Variants in KCNQ3 observed in about 807,000 individuals in gnomAD.
The protein encoded by KCNQ3 is potassium voltage-gated channel subfamily Q member 3, also known as potassium voltage-gated channel subfamily KQT member 3.
In KCNQ3, 30 loss-of-function variants were observed where a neutral mutation model predicts 92.5. The observed-to-expected ratio is 0.32, with a 90% CI of 0.24 to 0.44. The LOEUF (loss-of-function observed/expected upper bound fraction) is 0.44. Among genes scored for constraint, KCNQ3 ranks in the 20% least tolerant of loss-of-function variants. The pLI, the probability that KCNQ3 is intolerant of heterozygous loss-of-function variation, is 1.00. For synonymous variants in KCNQ3, 450 were observed against 468.8 expected (o/e 0.96, Z 0.52); for missense variants, 913 against 1,140.3 (o/e 0.80, Z 2.87).
At chr8:132,141,469 A>C (rs1825294463) in intron 9 of KCNQ3, 138 bp from the exon 10 acceptor site, 1 of 793,022 alleles carries the variant, frequency 1.3e-6, no homozygotes, top group Non-Finnish European at 2.1e-6. Flanking sequence ...AATCTGACTC[A>C]GCAGCTTGGA....
chr8:132,411,217 A>T (rs74917716), intron 1 of KCNQ3, among the ~76,000 whole-genome samples: 1 of 152,180 alleles, frequency 6.6e-6, no homozygotes, highest in Non-Finnish European at 1.5e-5. Flanking sequence ...TGTGAATTCA[A>T]TGTTGCCTGA....
intron 1 of KCNQ3, among the ~76,000 whole-genome samples, chr8:132,378,572 C>G (rs1160179144): frequency 6.6e-6 from 1 of 152,170 alleles, no homozygotes; most frequent in Non-Finnish European, 1.5e-5. Flanking sequence ...AAGACAGATA[C>G]TCTTGCCTTG....
chr8:132,374,844 A>C (rs1437373393), intron 1 of KCNQ3, among the ~76,000 whole-genome samples: 1 of 152,234 alleles, frequency 6.6e-6, no homozygotes, highest in Non-Finnish European at 1.5e-5. Context: ...ATCTTCCTGC[A>C]AAAGACATGA....
At chr8:132,389,232 G>A (rs1355962565) in intron 1 of KCNQ3, among the ~76,000 whole-genome samples, 1 of 152,160 alleles carries the variant, frequency 6.6e-6, no homozygotes, top group Non-Finnish European at 1.5e-5. Flanking sequence ...TGAGGTGGTT[G>A]GATTATCTGA....
chr8:132,143,245 G>A (rs1210428121), intron 9 of KCNQ3, among the ~76,000 whole-genome samples: 1 of 151,892 alleles, frequency 6.6e-6, no homozygotes, highest in Non-Finnish European at 1.5e-5. Context: ...AACATTTTTG[G>A]AATTGCTTTC....
intron 1 of KCNQ3, among the ~76,000 whole-genome samples, chr8:132,311,925 G>C (rs1040768507): frequency 6.6e-6 from 1 of 152,090 alleles, no homozygotes; most frequent in Non-Finnish European, 1.5e-5. Flanking sequence ...CTGGAGTTGC[G>C]TGGGAACTAA....
At chr8:132,220,823 T>A (rs918880223) in intron 1 of KCNQ3, among the ~76,000 whole-genome samples, 19 of 148,912 alleles carry the variant, frequency 1.3e-4, no homozygotes, top group Admixed American at 6.6e-5. Context: ...TTTTTTTATT[T>A]TTTTTATTAT....
intron 1 of KCNQ3, among the ~76,000 whole-genome samples, chr8:132,260,647 C>T (rs1306125176): frequency 1.3e-5 from 2 of 152,074 alleles, no homozygotes; most frequent in Non-Finnish European, 2.9e-5. Context: ...TATTTTCTTG[C>T]TCTCCAATCT....
chr8:132,377,481 AC>A (rs1315446425), intron 1 of KCNQ3, among the ~76,000 whole-genome samples: 5 of 152,334 alleles, frequency 3.3e-5, no homozygotes, highest in African/African-American at 1.2e-4. Flanking sequence ...GAACAAAGGA[AC>A]ACGAGAGGTA....
At chr8:132,238,710 G>T (rs145734768) in intron 1 of KCNQ3, among the ~76,000 whole-genome samples, 1 of 152,044 alleles carries the variant, frequency 6.6e-6, no homozygotes, top group African/African-American at 2.4e-5. Context: ...TCCCAAATAT[G>T]TCATACTCTA....
At chr8:132,460,512 A>G (rs935110152) in intron 1 of KCNQ3, among the ~76,000 whole-genome samples, 3 of 152,132 alleles carry the variant, frequency 2.0e-5, no homozygotes, top group African/African-American at 7.2e-5. Context: ...ACACAAGTAT[A>G]ACAGTATGAG....
At chr8:132,153,997 A>G (rs948660006) in intron 9 of KCNQ3, among the ~76,000 whole-genome samples, 1 of 145,010 alleles carries the variant, frequency 6.9e-6, no homozygotes, top group African/African-American at 2.6e-5. Flanking sequence ...TTGAAAAAAA[A>G]TGCCATTTTT....
chr8:132,265,784 C>A (rs1712437179), intron 1 of KCNQ3, among the ~76,000 whole-genome samples: 1 of 152,142 alleles, frequency 6.6e-6, no homozygotes, highest in South Asian at 2.1e-4. Flanking sequence ...CTTAAATACC[C>A]CATCCCTTTT....
At chr8:132,246,287 TATTTCCAATA>T (rs1219097031) in intron 1 of KCNQ3, among the ~76,000 whole-genome samples, 1 of 152,178 alleles carries the variant, frequency 6.6e-6, no homozygotes, top group African/African-American at 2.4e-5. Flanking sequence ...CCAAATGGGA[TATTTCCAATA>T]AACCATTTCC....
At chr8:132,465,944 G>A (rs1045122655) in intron 1 of KCNQ3, among the ~76,000 whole-genome samples, 6 of 151,942 alleles carry the variant, frequency 3.9e-5, no homozygotes, top group South Asian at 4.1e-4. Flanking sequence ...TAAAACAAAC[G>A]ACAGGAATAA....
In KCNQ3 at chr8:132,122,049, G is replaced by A. The variant is rs1389772044; in HGVS notation, c.*7213C>T. On this transcript the variant is annotated 3_prime_UTR_variant, in exon 15 of 15. Coordinates refer to ENST00000388996, the MANE Select transcript of KCNQ3 (RefSeq NM_004519.4). ...CATTTTACTGTAAAGCTGAGTGAAC[G>A]TAGAAGCCCGAAGCATTGTGGAGGA... 2 of 152,234 alleles carry A rather than the reference G, an allele frequency of 1.3e-5. No individual in the cohort carries two copies. Among genetic ancestry groups the A allele is most frequent in the African/African-American group, 4.8e-5 (2 of 41,466 alleles). The allele number at this position is 152,234 out of a possible 1,614,324, so 9.4% of individuals were successfully genotyped here. A position where few individuals can be genotyped will look rare whatever the true frequency, so the allele number is the denominator to read the frequency against.
At chr8:132,239,822 C>A (rs548838780) in intron 1 of KCNQ3, among the ~76,000 whole-genome samples, 54 of 152,256 alleles carry the variant, frequency 3.5e-4, no homozygotes, top group Admixed American at 1.6e-3. Context: ...CTCTCTGAGA[C>A]CCAGTTTCTA....
rs1211338548 is a variant in KCNQ3 at position 132,127,992 on chromosome 8, T to C, written c.*1270A>G. The C allele has an allele frequency of 6.6e-6, 1 of 152,262 alleles. No individual in the cohort carries two copies. The highest frequency in any genetic ancestry group is 1.5e-5 in the Non-Finnish European group (1 of 68,046). The allele number at this position is 152,262 out of a possible 1,614,324, so 9.4% of individuals were successfully genotyped here. On this transcript the variant is annotated 3_prime_UTR_variant, in exon 15 of 15. Transcript: ENST00000388996. ...TTGCCTGTTTACACATCTGTAAATGTAGCTTGCTTGCATTATTTTTTTCTA... is the reference window on the plus strand; with the variant it reads ...TTGCCTGTTTACACATCTGTAAATGCAGCTTGCTTGCATTATTTTTTTCTA...
At chr8:132,179,623 C>T (rs1826684381) in intron 4 of KCNQ3, among the ~76,000 whole-genome samples, 1 of 152,170 alleles carries the variant, frequency 6.6e-6, no homozygotes. Flanking sequence ...AAGTGCTCTT[C>T]ACATATCAAT....
Sources: gnomAD v4.1 joint callset for allele counts (sites outside exome capture counted in the v4.1 genomes callset) on GRCh38, gnomAD v4.1.1 for gene constraint, MANE v1.5 for transcripts, NCBI Gene and HGNC (gene_info 2026-07-23, HGNC 2026-07-21) for gene names.